Variants in COL4A4 observed in about 807,000 individuals in gnomAD.
COL4A4 encodes the protein collagen alpha-4(IV) chain.
COL4A4 carries 105 observed loss-of-function variants against 192.9 expected under a neutral mutation model. The ratio of observed to expected loss-of-function variants is 0.54; its 90% CI spans 0.46 to 0.64. COL4A4 has a LOEUF of 0.64. COL4A4 is among the 30% of genes least tolerant of loss of function. The probability of loss-of-function intolerance (pLI) is 0.00; values close to 1 mark genes in which losing one functional copy is unlikely to be tolerated. For missense variants in COL4A4, 1,967 were observed against 2,169.3 expected (o/e 0.91, Z 1.85); for synonymous variants, 762 against 769.9 (o/e 0.99, Z 0.17).
chr2:227,093,106 A>G (rs891357628), intron 20 of COL4A4, among the ~76,000 whole-genome samples: 5 of 152,166 alleles, frequency 3.3e-5, no homozygotes, highest in African/African-American at 4.8e-5. Flanking sequence ...TCACAGTGAA[A>G]AAATTGTGAC....
In COL4A4 at chr2:227,080,479, A is replaced by C; in HGVS notation, c.1767T>G (p.Asp589Glu). The part of the protein sequence containing the change: ...FPGQPGSHGR[D>E]GHAGEKGDPG... The stretch of plus-strand genomic sequence containing the variant: ...GATCCCCTTTTTCTCCAGCATGTCC[A>C]TCCCGACCATGTGATCCTGGCTGCC... The change falls in exon 24 of 48, where the codon GAT becomes GAG. Residue 589 changes from aspartate to glutamate, a missense_variant. By Grantham distance (45) the Asp-to-Glu change is conservative (BLOSUM62 2). Coordinates refer to ENST00000396625, the MANE Select transcript of COL4A4 (RefSeq NM_000092.5). 9 of 1,614,170 alleles carry C rather than the reference A, an allele frequency of 5.6e-6. No homozygotes were observed. Among genetic ancestry groups the C allele is most frequent in the Non-Finnish European group, 6.8e-6 (8 of 1,180,038 alleles).
At chr2:226,981,545 T>C in the COL4A4 span, among the ~76,000 whole-genome samples, 1 of 145,280 alleles carries the variant, frequency 6.9e-6, no homozygotes, top group South Asian at 2.2e-4. Flanking sequence ...CACACATCCA[T>C]GCACTCATCC....
At chr2:227,091,104 A>G (rs1451486127) in intron 20 of COL4A4, among the ~76,000 whole-genome samples, 1 of 152,024 alleles carries the variant, frequency 6.6e-6, no homozygotes, top group Non-Finnish European at 1.5e-5. Flanking sequence ...CGCCAAAAAA[A>G]CCTAGAAGAA....
intron 22 of COL4A4, among the ~76,000 whole-genome samples, chr2:227,088,089 T>C (rs1425952576): frequency 6.6e-6 from 1 of 152,334 alleles, no homozygotes; most frequent in African/African-American, 2.4e-5. Context: ...CACTTAACAA[T>C]ACCAATTAGT....
At chr2:227,078,518 A>G (rs773220075) in intron 24 of COL4A4, among the ~76,000 whole-genome samples, 1 of 152,212 alleles carries the variant, frequency 6.6e-6, no homozygotes, top group Non-Finnish European at 1.5e-5. Context: ...TACAGGCGTC[A>G]GCCACCGCGC....
At chr2:226,998,621 C>T (rs922777384), downstream of COL4A4, 3 of 152,140 alleles carry the variant, frequency 2.0e-5, no homozygotes, top group African/African-American at 7.2e-5. Flanking sequence ...TTTAGAATCA[C>T]AGACTCTCAG....
At chr2:227,060,101 GAAAAAAAAAAAAA>G (rs71422223) in intron 27 of COL4A4, 22 bp downstream of exon 27, 1 of 503,760 alleles carries the variant, frequency 2.0e-6, no homozygotes, top group Admixed American at 4.3e-5. Context: ...TCCCAAAGCA[GAAAAAAAAAAAAA>G]AAAAAAAAAA....
intron 25 of COL4A4, among the ~76,000 whole-genome samples, chr2:227,073,793 G>T (rs1027211899): frequency 5.9e-5 from 9 of 152,108 alleles, no homozygotes; most frequent in African/African-American, 2.2e-4. Context: ...CAAAAAATTG[G>T]GGGGTGGACA....
At chr2:227,085,129 CA>C (rs34650479) in intron 22 of COL4A4, among the ~76,000 whole-genome samples, 17 of 143,978 alleles carry the variant, frequency 1.2e-4, no homozygotes, top group Non-Finnish European at 1.1e-4. Flanking sequence ...GAAATTCCAC[CA>C]AAAAAAAAAA....
chr2:227,060,120 A>AC lies in COL4A4; in HGVS notation c.2164+15_2164+16insG. 4.3e-6 allele frequency: 6 copies of AC among 1,403,944 alleles called. No homozygotes were observed. The highest frequency in any genetic ancestry group is 1.5e-5 in the African/African-American group (1 of 68,486). The allele number at this position is 1,403,944 out of a possible 1,614,324, so 87.0% of individuals were successfully genotyped here. Reference sequence around the variant, plus strand: ...AAAGCAGAAAAAAAAAAAAAAAAAAAAAAAACCTCACTGACCAGGTGGACC... The same window carrying AC: ...AAAGCAGAAAAAAAAAAAAAAAAAAACAAAAACCTCACTGACCAGGTGGACC... On this transcript the variant is annotated intron_variant, in intron 27 of 47. Coordinates refer to ENST00000396625, the MANE Select transcript of COL4A4 (RefSeq NM_000092.5).
At chr2:227,104,110 T>C (rs1010904603) in intron 12 of COL4A4, 58 bp from the exon 13 acceptor site, 10 of 1,464,798 alleles carry the variant, frequency 6.8e-6, no homozygotes, top group African/African-American at 1.4e-5. Flanking sequence ...TTGAAGGTTT[T>C]CACCCATGTA....
intron 31 of COL4A4, among the ~76,000 whole-genome samples, chr2:227,054,166 A>G (rs530216062): frequency 1.3e-5 from 2 of 152,370 alleles, no homozygotes; most frequent in South Asian, 2.1e-4. Context: ...ATGCTACAAA[A>G]GCAGACTTGA....
rs1221834092 is a variant in COL4A4, at chr2:227,121,165, A to G, written c.193-17T>C. ...TGGTGGACCCTGAGAAGGAAGATTAAAAAGAAATGGGGGTGCAATTCTTAA... is the reference window on the plus strand; with the variant it reads ...TGGTGGACCCTGAGAAGGAAGATTAGAAAGAAATGGGGGTGCAATTCTTAA... On this transcript the variant is annotated splice_polypyrimidine_tract_variant and intron_variant, in intron 4 of 47. Coordinates refer to ENST00000396625, the MANE Select transcript of COL4A4 (RefSeq NM_000092.5). 6.2e-7 allele frequency: 1 copy of G among 1,613,508 alleles called. No homozygotes were observed. Among genetic ancestry groups the G allele is most frequent in the Non-Finnish European group, 8.5e-7 (1 of 1,179,806 alleles).
chr2:227,082,040 G>T, intron 23 of COL4A4, 75 bp downstream of exon 23: 1 of 1,215,324 alleles, frequency 8.2e-7, no homozygotes, highest in Non-Finnish European at 1.2e-6. Context: ...ATGGTCACAG[G>T]GGAAATTACT....
the COL4A4 span, among the ~76,000 whole-genome samples, chr2:226,977,281 T>G: frequency 6.6e-6 from 1 of 152,176 alleles, no homozygotes; most frequent in Non-Finnish European, 1.5e-5. Context: ...CTTGCCTTCA[T>G]GACTGCCGCC....
intron 30 of COL4A4, 134 bp downstream of exon 30, chr2:227,055,811 G>C: frequency 1.3e-6 from 1 of 765,636 alleles, no homozygotes; most frequent in South Asian, 1.7e-5. Context: ...AAGAGCAAGG[G>C]AGGCATCATT....
At chr2:227,030,208 T>C (rs961227412) in intron 41 of COL4A4, among the ~76,000 whole-genome samples, 1 of 152,158 alleles carries the variant, frequency 6.6e-6, no homozygotes, top group African/African-American at 2.4e-5. Context: ...ACTGTTCAAT[T>C]CTGGCCTGGA....
the COL4A4 span, among the ~76,000 whole-genome samples, chr2:226,980,504 A>G: frequency 1.3e-5 from 2 of 152,158 alleles, no homozygotes; most frequent in African/African-American, 4.8e-5. Flanking sequence ...CATCTCTGAC[A>G]TGAGCAAGTC....
chr2:227,060,027 C>T (rs1976497390), intron 27 of COL4A4, 109 bp downstream of exon 27: 3 of 756,040 alleles, frequency 4.0e-6, no homozygotes, highest in Non-Finnish European at 6.6e-6. Flanking sequence ...TCTAGGGATC[C>T]CTGGACCATT....
Sources: allele counts gnomAD v4.1 joint callset (sites outside exome capture counted in the v4.1 genomes callset), GRCh38; gene constraint gnomAD v4.1.1; transcripts MANE v1.5; gene names NCBI Gene and HGNC (gene_info 2026-07-23, HGNC 2026-07-21).